Variants in CDH13 observed in about 807,000 individuals in gnomAD.
CDH13 encodes the protein cadherin-13.
A neutral mutation model predicts 63.8 loss-of-function variants in CDH13; 24 were observed. The observed-to-expected ratio is 0.38, with a 90% CI of 0.27 to 0.53. CDH13 has a LOEUF of 0.53. Among genes scored for constraint, CDH13 ranks in the 20% least tolerant of loss-of-function variants. The pLI is 0.85. For missense variants in CDH13, 1,049 were observed against 903.1 expected (o/e 1.16, Z -2.07); for synonymous variants, 503 against 355.3 (o/e 1.42, Z -4.67).
At chr16:83,442,341 C>G (rs1372855302) in intron 6 of CDH13, among the ~76,000 whole-genome samples, 1 of 152,192 alleles carries the variant, frequency 6.6e-6, no homozygotes, top group Non-Finnish European at 1.5e-5. Flanking sequence ...CCAAGGACCT[C>G]CACATCCTGC....
chr16:83,760,327 T>C (rs1315544293), intron 11 of CDH13, among the ~76,000 whole-genome samples: 1 of 152,224 alleles, frequency 6.6e-6, no homozygotes, highest in Non-Finnish European at 1.5e-5. Context: ...ACATATGCCC[T>C]ATGTTCCAGG....
chr16:83,588,225 A>T (rs1419371646), intron 7 of CDH13, among the ~76,000 whole-genome samples: 19 of 152,050 alleles, frequency 1.2e-4, no homozygotes, highest in Admixed American at 1.2e-3. Flanking sequence ...AAGCCTCATC[A>T]CCCTGCCACG....
chr16:83,054,216 C>G (rs1398363567), intron 3 of CDH13, among the ~76,000 whole-genome samples: 1 of 152,168 alleles, frequency 6.6e-6, no homozygotes, highest in Non-Finnish European at 1.5e-5. Flanking sequence ...CAGAACATAT[C>G]CTTGTTAAGT....
At chr16:83,323,998 C>G (rs1019570) in intron 5 of CDH13, among the ~76,000 whole-genome samples, 2 of 151,066 alleles carry the variant, frequency 1.3e-5, no homozygotes, top group African/African-American at 4.9e-5. Context: ...TTAGTATATT[C>G]CCAGTCATGC....
At chr16:82,733,302 C>T (rs532494981) in intron 1 of CDH13, among the ~76,000 whole-genome samples, 137 of 152,100 alleles carry the variant, frequency 9.0e-4, no homozygotes, top group Non-Finnish European at 1.8e-3. Context: ...GCAGCAGACA[C>T]GGAGTGAGTT....
intron 7 of CDH13, among the ~76,000 whole-genome samples, chr16:83,566,383 C>G (rs1040688811): frequency 2.6e-5 from 4 of 152,170 alleles, no homozygotes; most frequent in African/African-American, 9.7e-5. Flanking sequence ...CAGCTTCTTT[C>G]TCAATCCCTT....
intron 7 of CDH13, among the ~76,000 whole-genome samples, chr16:83,494,611 T>G (rs2074093816): frequency 6.6e-6 from 1 of 152,232 alleles, no homozygotes; most frequent in Non-Finnish European, 1.5e-5. Flanking sequence ...CTTCCTTTAA[T>G]GTACTCAGTG....
intron 1 of CDH13, among the ~76,000 whole-genome samples, chr16:82,734,414 T>G (rs575928470): frequency 6.6e-6 from 1 of 152,266 alleles, no homozygotes; most frequent in Non-Finnish European, 1.5e-5. Flanking sequence ...GATGGGAATA[T>G]GCCTAGTGTG....
chr16:82,807,831 G>T (rs1235081230), intron 1 of CDH13, among the ~76,000 whole-genome samples: 1 of 152,128 alleles, frequency 6.6e-6, no homozygotes, highest in Non-Finnish European at 1.5e-5. Flanking sequence ...AATAATTACT[G>T]GGGACTTTTA....
intron 4 of CDH13, among the ~76,000 whole-genome samples, chr16:83,198,725 G>A (rs1433581517): frequency 6.6e-6 from 1 of 152,110 alleles, no homozygotes; most frequent in Non-Finnish European, 1.5e-5. Context: ...TCTGTTGTAT[G>A]GGAACAGGCT....
intron 11 of CDH13, among the ~76,000 whole-genome samples, chr16:83,751,411 A>G (rs1913071898): frequency 6.6e-6 from 1 of 151,206 alleles, no homozygotes; most frequent in African/African-American, 2.4e-5. Flanking sequence ...CCTGGCCAAC[A>G]TGGCAAAACC....
intron 2 of CDH13, among the ~76,000 whole-genome samples, chr16:82,926,936 A>G (rs1427113625): frequency 6.6e-6 from 1 of 152,162 alleles, no homozygotes; most frequent in Non-Finnish European, 1.5e-5. Flanking sequence ...CATTTGTTTT[A>G]CTCACAAATG....
intron 13 of CDH13, among the ~76,000 whole-genome samples, chr16:83,787,485 G>A (rs1253723044): frequency 6.6e-6 from 1 of 152,138 alleles, no homozygotes. Flanking sequence ...TTTGAATACG[G>A]TGCAGTGGAT....
chr16:83,463,160 G>C (rs2073222932), intron 6 of CDH13, among the ~76,000 whole-genome samples: 1 of 152,160 alleles, frequency 6.6e-6, no homozygotes, highest in Non-Finnish European at 1.5e-5. Context: ...GGAACAACCT[G>C]GGGCAGGGGC....
At chr16:82,885,435 C>T (rs559186595) in intron 2 of CDH13, among the ~76,000 whole-genome samples, 1 of 96,966 alleles carries the variant, frequency 1.0e-5, no homozygotes, top group South Asian at 4.9e-4. Flanking sequence ...CACCTCCCAC[C>T]CCCCCACCCA....
chr16:82,666,073 G>T (rs1457202425), intron 1 of CDH13, among the ~76,000 whole-genome samples: 1 of 152,194 alleles, frequency 6.6e-6, no homozygotes, highest in Non-Finnish European at 1.5e-5. Context: ...ACCTTTATGA[G>T]AGGGTGTGGA....
intron 1 of CDH13, among the ~76,000 whole-genome samples, chr16:82,818,289 G>A (rs563287316): frequency 9.9e-5 from 15 of 152,216 alleles, no homozygotes; most frequent in African/African-American, 3.1e-4. Flanking sequence ...CCAAGGTCAC[G>A]TAGCTAGTAA....
At chr16:83,219,811 A>G (rs1244079142) in intron 5 of CDH13, among the ~76,000 whole-genome samples, 1 of 152,192 alleles carries the variant, frequency 6.6e-6, no homozygotes, top group African/African-American at 2.4e-5. Flanking sequence ...TGTTCGGAGG[A>G]TACAGTAGCA....
At chr16:83,249,651 A>G (rs188474331) in intron 5 of CDH13, among the ~76,000 whole-genome samples, 17 of 152,328 alleles carry the variant, frequency 1.1e-4, no homozygotes. Flanking sequence ...ATCGAAGTAG[A>G]TTTGTAGCAG....
Sources: gnomAD v4.1 joint callset for allele counts (sites outside exome capture counted in the v4.1 genomes callset) on GRCh38, gnomAD v4.1.1 for gene constraint, MANE v1.5 for transcripts, NCBI Gene and HGNC (gene_info 2026-07-23, HGNC 2026-07-21) for gene names.